The following POLI variants were observed in gnomAD, a reference collection of about 807,000 sequenced individuals.
POLI encodes RAD30 homolog B.
In POLI, 58 loss-of-function variants were observed where a neutral mutation model predicts 51.6. That is an observed-to-expected ratio of 1.12 (90% CI 0.91 to 1.40). The LOEUF (loss-of-function observed/expected upper bound fraction) is 1.40. POLI is among the 40% of genes most tolerant of loss of function. The pLI is 0.00. For synonymous variants in POLI, 322 were observed against 299.7 expected (o/e 1.07, Z -0.77); for missense variants, 921 against 871.3 (o/e 1.06, Z -0.72).
intron 9 of POLI, among the ~76,000 whole-genome samples, chr18:54,293,390 A>C (rs966464052): frequency 1.2e-4 from 19 of 152,036 alleles, no homozygotes; most frequent in African/African-American, 4.3e-4. Flanking sequence ...CAATCTTCCC[A>C]GGTCTCCAAA....
Position 54,296,830 on chromosome 18 carries a change from C to T in POLI, c.*2363C>T. 1 of 607,752 alleles carries T rather than the reference C, an allele frequency of 1.6e-6. No homozygotes were observed. The highest frequency in any genetic ancestry group is 7.7e-5 in the South Asian group (1 of 13,030). 37.6% of individuals were successfully genotyped at this position (607,752 alleles called of 1,614,324 possible). On this transcript the variant is annotated 3_prime_UTR_variant, in exon 10 of 10. Transcript: ENST00000579534. ...TAACTTCCCGTTTACTCATTACAGT[C>T]CCTTGTAAGTCTGTTTCTAATTTTT...
intron 7 of POLI, among the ~76,000 whole-genome samples, chr18:54,286,954 A>G (rs2087772917): frequency 6.6e-6 from 1 of 152,118 alleles, no homozygotes; most frequent in South Asian, 2.1e-4. Context: ...AAAAAAAAAA[A>G]AATTGGTTGC....
chr18:54,270,051 T>G (rs1482878696), intron 1 of POLI: 1 of 999,702 alleles, frequency 1.0e-6, no homozygotes, highest in African/African-American at 1.7e-5. Flanking sequence ...CGGATCTCAG[T>G]CCTGGCAGGA....
chr18:54,270,124 T>G (rs1275550397), intron 1 of POLI: 1 of 738,726 alleles, frequency 1.4e-6, no homozygotes, highest in African/African-American at 1.9e-5. Flanking sequence ...GTGACCCACT[T>G]CCAGCTCTGG....
chr18:54,277,860 G>T lies in POLI; in HGVS notation c.559+5G>T. ...GTCATGTATACAATAATCAGTGTGAGTGGGTTCTTATTCATTCTACCTACT... is the reference window on the plus strand; with the variant it reads ...GTCATGTATACAATAATCAGTGTGATTGGGTTCTTATTCATTCTACCTACT... On this transcript the variant is annotated splice_donor_5th_base_variant and intron_variant, in intron 4 of 9. Coordinates refer to ENST00000579534, the MANE Select transcript of POLI (RefSeq NM_007195.3). 6.2e-7 allele frequency: 1 copy of T among 1,600,910 alleles called. No individual in the cohort carries two copies. The highest frequency in any genetic ancestry group is 2.2e-5 in the East Asian group (1 of 44,772).
At chr18:54,291,764 C>A in intron 8 of POLI, 69 bp from the exon 9 acceptor site, 2 of 703,638 alleles carry the variant, frequency 2.8e-6, no homozygotes, top group Non-Finnish European at 2.3e-6. Context: ...ATTTCTTAAT[C>A]TCAGCAATAT....
rs56113954 is a variant in POLI at position 54,277,976 on chromosome 18, TAGTC to T, written c.559+125_559+128del. 5.3e-5 allele frequency: 38 copies of T among 715,180 alleles called. No individual in the cohort carries two copies. The East Asian group carries it at 7.9e-4, about 15-fold the overall frequency. 44.3% of individuals were successfully genotyped at this position (715,180 alleles called of 1,614,324 possible). A position where few individuals can be genotyped will look rare whatever the true frequency, so the allele number is the denominator to read the frequency against. On this transcript the variant is annotated intron_variant, in intron 4 of 9. Coordinates refer to ENST00000579534, the MANE Select transcript of POLI (RefSeq NM_007195.3). ...CTTTTGTTGGAGGTATAGTTATATT[TAGTC>T]AGTAATCTGTCTAGGACAGCTAAAA...
Position 54,296,495 on chromosome 18 carries a change from T to C in POLI, c.*2028T>C. 1 of 376,350 alleles carries C rather than the reference T, an allele frequency of 2.7e-6. No individual in the cohort carries two copies. 23.3% of individuals were successfully genotyped at this position (376,350 alleles called of 1,614,324 possible). Reference sequence around the variant, plus strand: ...TTATTTGGAAGTGCGAATTTATTTTTATTCTTAGTATATACTGGCTTCTTC... The same window carrying C: ...TTATTTGGAAGTGCGAATTTATTTTCATTCTTAGTATATACTGGCTTCTTC... On this transcript the variant is annotated 3_prime_UTR_variant, in exon 10 of 10. Transcript: ENST00000579534.
chr18:54,318,199 A>G (rs976816192), intron 3 of POLI, among the ~76,000 whole-genome samples: 1 of 152,156 alleles, frequency 6.6e-6, no homozygotes, highest in Non-Finnish European at 1.5e-5. Context: ...TTTCAGATTT[A>G]TCTTTATATC....
rs2088283386 is a variant in POLI at position 54,295,586 on chromosome 18, G to A, written c.*1119G>A. On this transcript the variant is annotated 3_prime_UTR_variant, in exon 10 of 10. Transcript: ENST00000579534. ...AAAGTACACAAATATGAACCAAAGA[G>A]TAGCTTAAAAATACTTTCTTCTAGG... 1 of 790,594 alleles carries A rather than the reference G, an allele frequency of 1.3e-6. No individual in the cohort carries two copies. Among genetic ancestry groups the A allele is most frequent in the Non-Finnish European group, 1.5e-6 (1 of 652,924 alleles). 49.0% of individuals were successfully genotyped at this position (790,594 alleles called of 1,614,324 possible). A position where few individuals can be genotyped will look rare whatever the true frequency, so the allele number is the denominator to read the frequency against.
At position 54,295,553 on chromosome 18, in the gene POLI, TTAAAA is replaced by T. The variant is rs1195277436; in HGVS notation, c.*1087_*1091del. ...GCACATATAATCTAAAGAAGAGACT[TTAAAA>T]ATAAAGTACACAAATATGAACCAAA... is the stretch of plus-strand genomic sequence containing the variant. On this transcript the variant is annotated 3_prime_UTR_variant, in exon 10 of 10. Coordinates refer to ENST00000579534, the MANE Select transcript of POLI (RefSeq NM_007195.3). 1 of 842,448 alleles carries T rather than the reference TTAAAA, an allele frequency of 1.2e-6. No homozygotes were observed. The highest frequency in any genetic ancestry group is 1.8e-5 in the African/African-American group (1 of 54,058). The allele number at this position is 842,448 out of a possible 1,614,324, so 52.2% of individuals were successfully genotyped here.
chr18:54,318,539 T>G (rs564146206), intron 3 of POLI, among the ~76,000 whole-genome samples: 1 of 152,320 alleles, frequency 6.6e-6, no homozygotes, highest in East Asian at 1.9e-4. Flanking sequence ...TAGTAAAATT[T>G]CAGCTGCGTT....
chr18:54,282,736 A>T (rs2087561385), intron 5 of POLI, 101 bp from the exon 6 acceptor site: 1 of 685,874 alleles, frequency 1.5e-6, no homozygotes, highest in Non-Finnish European at 2.3e-6. Context: ...TGTATAAATT[A>T]TAGAACTTAA....
Position 54,271,229 on chromosome 18 carries a change from C to A in POLI, c.116-131C>A. The A allele has an allele frequency of 4.4e-6, 3 of 687,912 alleles. No individual in the cohort carries two copies. In the South Asian group the frequency reaches 8.0e-5, roughly 18 times the overall value. 42.6% of individuals were successfully genotyped at this position (687,912 alleles called of 1,614,324 possible). ...TGTCTTTGTAATTTTTCGATGCTTT[C>A]ACACATAATCCAGGAGAAAACACGT... On this transcript the variant is annotated intron_variant, in intron 1 of 9. Coordinates refer to ENST00000579534, the MANE Select transcript of POLI (RefSeq NM_007195.3).
At position 54,280,843 on chromosome 18, in the gene POLI, T is replaced by G; in HGVS notation, c.736T>G (p.Leu246Val). The G allele has an allele frequency of 6.2e-7, 1 of 1,613,630 alleles. No homozygotes were observed. Among genetic ancestry groups the G allele is most frequent in the Non-Finnish European group, 8.5e-7 (1 of 1,179,582 alleles). The change falls in exon 5 of 10, where the codon TTA becomes GTA. Residue 246 changes from leucine to valine, a missense_variant. Leu to Val is a conservative substitution (Grantham distance 32). Transcript: ENST00000579534. ...CTTTAAACCAAATCAACAAACAGTC[T>G]TATTACCTGAAAGTTGTCAACATCT... ...GVFKPNQQTV[L>V]LPESCQHLIH...
rs745439006 is a variant in POLI at position 54,292,046 on chromosome 18, C to T, written c.1404+8C>T. The T allele has an allele frequency of 5.8e-5, 90 of 1,557,130 alleles. No homozygotes were observed. The highest frequency in any genetic ancestry group is 7.5e-5 in the Non-Finnish European group (85 of 1,134,432). On this transcript the variant is annotated splice_region_variant and intron_variant, in intron 9 of 9. Transcript: ENST00000579534. ...TCTGGCAAGCACAGTTTTGTAAGTA[C>T]ACTCTTTTTTGTTCAGTTTTCTAAG...
Position 54,291,898 on chromosome 18 carries a change from G to C in POLI, c.1264G>C (p.Val422Leu). 1.2e-6 allele frequency: 2 copies of C among 1,608,780 alleles called. No homozygotes were observed. The highest frequency in any genetic ancestry group is 1.7e-6 in the Non-Finnish European group (2 of 1,175,688). Reference protein sequence around the residue: ...LMKLFRNMVNVKMPFHLTLLS... With the variant: ...LMKLFRNMVNLKMPFHLTLLS... Reference sequence around the variant, plus strand: ...GAAACTTTTTCGAAATATGGTGAATGTGAAGATGCCATTTCACCTTACCCT... The same window carrying C: ...GAAACTTTTTCGAAATATGGTGAATCTGAAGATGCCATTTCACCTTACCCT... The change falls in exon 9 of 10, where the codon GTG becomes CTG. Residue 422 changes from valine to leucine, a missense_variant. Transcript: ENST00000579534.
chr18:54,274,994 C>T (rs145726539), intron 3 of POLI: 4 of 152,214 alleles, frequency 2.6e-5, no homozygotes, highest in Non-Finnish European at 2.9e-5. Flanking sequence ...GGAAAAAATG[C>T]TCAAATTCAT....
intron 4 of POLI, among the ~76,000 whole-genome samples, chr18:54,279,701 C>T (rs972298303): frequency 6.6e-6 from 1 of 152,156 alleles, no homozygotes; most frequent in African/African-American, 2.4e-5. Context: ...GCGTTAGTCT[C>T]TTTGAGGTTA....
Sources: gnomAD v4.1 joint callset for allele counts (sites outside exome capture counted in the v4.1 genomes callset) on GRCh38, gnomAD v4.1.1 for gene constraint, MANE v1.5 for transcripts, NCBI Gene and HGNC (gene_info 2026-07-23, HGNC 2026-07-21) for gene names.